The following BLM variants were observed in gnomAD, a reference collection of about 807,000 sequenced individuals.
BLM encodes the protein BLM RecQ like helicase, also known as recQ-like DNA helicase BLM.
Under a neutral mutation model 135.3 loss-of-function variants are expected in BLM, and 95 were observed. The ratio of observed to expected loss-of-function variants is 0.70; its 90% confidence interval spans 0.59 to 0.83. The LOEUF (loss-of-function observed/expected upper bound fraction) is 0.83, where lower values mean the gene tolerates loss of function less well. Ranked by LOEUF, BLM falls within the 40% of genes least tolerant of loss-of-function variation. The pLI is 0.00. For missense variants in BLM, 1,518 were observed against 1,663.9 expected (o/e 0.91, Z 1.53); for synonymous variants, 520 against 589.2 (o/e 0.88, Z 1.70).
At chr15:90,759,626 G>T (rs1415342329) in intron 5 of BLM, among the ~76,000 whole-genome samples, 1 of 151,036 alleles carries the variant, frequency 6.6e-6, no homozygotes, top group Non-Finnish European at 1.5e-5. Flanking sequence ...TTTTTTGTGA[G>T]ACAAAGTCTC....
chr15:90,752,335 C>T (rs1033283607), intron 4 of BLM, among the ~76,000 whole-genome samples: 1 of 152,078 alleles, frequency 6.6e-6, no homozygotes, highest in African/African-American at 2.4e-5. Context: ...ACCACCATGC[C>T]TGGCTAATTT....
intron 13 of BLM, among the ~76,000 whole-genome samples, chr15:90,784,364 C>T (rs895627550): frequency 4.6e-4 from 53 of 115,880 alleles, no homozygotes; most frequent in African/African-American, 1.8e-3. Flanking sequence ...GGCTGAGTCT[C>T]ACTCTATCTC....
At chr15:90,782,248 C>T (rs1261972517) in intron 12 of BLM, among the ~76,000 whole-genome samples, 5 of 152,004 alleles carry the variant, frequency 3.3e-5, no homozygotes, top group South Asian at 4.2e-4. Flanking sequence ...ATTAGCTGGG[C>T]GCGATGGTGG....
chr15:90,799,651 A>G (rs372631284), intron 17 of BLM, among the ~76,000 whole-genome samples: 2 of 143,780 alleles, frequency 1.4e-5, no homozygotes, highest in Admixed American at 1.4e-4. Flanking sequence ...AAAAAAAAAA[A>G]TTAAGACATA....
intron 14 of BLM, among the ~76,000 whole-genome samples, chr15:90,787,949 CAAA>C (rs11355198): frequency 3.7e-5 from 5 of 136,282 alleles, no homozygotes. Flanking sequence ...GACTCTATGT[CAAA>C]AAAAAAAAAA....
At chr15:90,775,816 A>G (rs1299319824) in intron 12 of BLM, among the ~76,000 whole-genome samples, 1 of 152,126 alleles carries the variant, frequency 6.6e-6, no homozygotes, top group African/African-American at 2.4e-5. Context: ...CCATAAGCAT[A>G]CATTTTGATT....
chr15:90,734,624 C>G (rs1310904772), intron 1 of BLM, among the ~76,000 whole-genome samples: 3 of 152,022 alleles, frequency 2.0e-5, no homozygotes, highest in Non-Finnish European at 4.4e-5. Context: ...CTCTCTCTCT[C>G]TCTCTGTCTC....
In BLM at chr15:90,769,115, A is replaced by C; in HGVS notation, c.2308-18A>C. On this transcript the variant is annotated intron_variant, in intron 10 of 21. Transcript: ENST00000355112. ...TGTGTTTCAGTGTTTTTACATGTCTAATGTATTTCTGGCCTAGATCTGTGC... is the reference window on the plus strand; with the variant it reads ...TGTGTTTCAGTGTTTTTACATGTCTCATGTATTTCTGGCCTAGATCTGTGC... 1 of 1,540,648 alleles carries C rather than the reference A, an allele frequency of 6.5e-7. No homozygotes were observed.
At chr15:90,796,906 C>A (rs1897040288) in intron 16 of BLM, among the ~76,000 whole-genome samples, 1 of 152,044 alleles carries the variant, frequency 6.6e-6, no homozygotes, top group South Asian at 2.1e-4. Context: ...GATGGGCATT[C>A]CCAGGGGATT....
chr15:90,803,982 T>C (rs1897226827), intron 18 of BLM, among the ~76,000 whole-genome samples, 185 bp from the exon 19 acceptor site: 2 of 152,244 alleles, frequency 1.3e-5, no homozygotes, highest in South Asian at 4.1e-4. Context: ...ATCAAGAGGC[T>C]ATTCTATGCT....
chr15:90,788,356 G>T (rs1423916328), intron 14 of BLM, among the ~76,000 whole-genome samples: 2 of 151,866 alleles, frequency 1.3e-5, no homozygotes, highest in Admixed American at 6.6e-5. Flanking sequence ...CCAACAAAAG[G>T]TCATTTTCAG....
At chr15:90,780,169 C>A (rs1478562832) in intron 12 of BLM, among the ~76,000 whole-genome samples, 2 of 151,506 alleles carry the variant, frequency 1.3e-5, no homozygotes, top group East Asian at 1.9e-4. Context: ...ACTGCAACCT[C>A]CGCCTCTCAG....
chr15:90,735,262 TATATATATA>T (rs1895182785), intron 1 of BLM, among the ~76,000 whole-genome samples: 1 of 145,318 alleles, frequency 6.9e-6, no homozygotes, highest in East Asian at 2.0e-4. Context: ...TATATATATA[TATATATATA>T]TTTAAGTTAA....
chr15:90,751,921 T>G lies in BLM; in HGVS notation c.934T>G (p.Ser312Ala), dbSNP rs372454889. 3.2e-5 allele frequency: 51 copies of G among 1,612,378 alleles called. No homozygotes were observed. The highest frequency in any genetic ancestry group is 1.5e-4 in the African/African-American group (11 of 74,912). The change falls in exon 4 of 22, where the codon TCT (serine) becomes GCT (alanine). Residue 312 changes from serine (S) to alanine (A), a missense_variant. By Grantham distance (99) the Ser-to-Ala change is moderately conservative. Coordinates refer to ENST00000355112, the MANE Select transcript of BLM (RefSeq NM_000057.4). ...PPSPEEIISA[S>A]SSSSKCLSTL... ...TTCTCCAGAAGAAATTATTTCTGCT[T>G]CTTCTTCCTCTTCAAAATGCCTTAG...
In BLM at chr15:90,769,511, T is replaced by A. The variant is rs748250819; in HGVS notation, c.2480T>A (p.Met827Lys). 2.2e-5 allele frequency: 36 copies of A among 1,613,876 alleles called. No individual in the cohort carries two copies. Among genetic ancestry groups the A allele is most frequent in the Non-Finnish European group, 3.1e-5 (36 of 1,179,878 alleles). Reference protein sequence around the residue: ...LRQKFPSVPVMALTATANPRV... With the variant: ...LRQKFPSVPVKALTATANPRV... ...CAGAAGTTTCCTTCTGTTCCGGTGA[T>A]GGCTCTTACGGCCACAGCTAATCCC... The change falls in exon 12 of 22, where the codon ATG becomes AAG. Residue 827 changes from methionine to lysine, a missense_variant. Met to Lys is a moderately conservative substitution (Grantham distance 95, BLOSUM62 -1). Around this residue, in one of 5 missense-constraint regions of BLM, gnomAD observed 626 missense variants for 681.1 expected, o/e 0.92. Coordinates refer to ENST00000355112, the MANE Select transcript of BLM (RefSeq NM_000057.4).
intron 16 of BLM, among the ~76,000 whole-genome samples, chr15:90,796,524 C>T (rs908148502): frequency 1.1e-4 from 16 of 152,216 alleles, no homozygotes; most frequent in African/African-American, 3.9e-4. Flanking sequence ...TTCTAGTCAT[C>T]TTCCATGGCT....
intron 16 of BLM, among the ~76,000 whole-genome samples, chr15:90,796,157 T>A (rs1897023569): frequency 6.6e-6 from 1 of 152,194 alleles, no homozygotes; most frequent in Admixed American, 6.5e-5. Flanking sequence ...GATGGAGTTA[T>A]CCTTGGCTAA....
At chr15:90,794,422 A>C in intron 16 of BLM, 65 bp downstream of exon 16, 1 of 1,311,108 alleles carries the variant, frequency 7.6e-7, no homozygotes, top group Non-Finnish European at 1.0e-6. Context: ...AAAAATGTAG[A>C]TACAAATTAG....
chr15:90,775,281 A>G (rs1319203658), intron 12 of BLM, among the ~76,000 whole-genome samples: 2 of 152,082 alleles, frequency 1.3e-5, no homozygotes, highest in African/African-American at 4.8e-5. Context: ...AATGGAATGG[A>G]GGAAGGAAGA....
Sources: allele counts gnomAD v4.1 joint callset (sites outside exome capture counted in the v4.1 genomes callset), GRCh38; gene constraint gnomAD v4.1.1; regional missense constraint gnomAD v4.1.1; transcripts MANE v1.5; gene names NCBI Gene and HGNC (gene_info 2026-07-23, HGNC 2026-07-21).